The following GRAMD1C variants were observed in gnomAD, a reference collection of about 807,000 sequenced individuals.
GRAMD1C encodes the protein protein Aster-C.
A neutral mutation model predicts 97.8 loss-of-function variants in GRAMD1C; 89 were observed. That is an observed-to-expected ratio of 0.91 (90% CI 0.77 to 1.09). The LOEUF is 1.09. Among genes scored for constraint, GRAMD1C ranks in the 50% least tolerant of loss-of-function variants. The pLI, the probability that GRAMD1C is intolerant of heterozygous loss-of-function variation, is 0.00. For missense variants in GRAMD1C, 740 were observed against 766.4 expected, an observed-to-expected ratio of 0.97 and a Z score of 0.41; for synonymous variants, 256 against 267.0, an observed-to-expected ratio of 0.96 and a Z score of 0.40.
chr3:113,834,734 G>A (rs1364434163), upstream of GRAMD1C, among the ~76,000 whole-genome samples: 4 of 148,330 alleles, frequency 2.7e-5, no homozygotes, highest in Non-Finnish European at 5.9e-5. Flanking sequence ...AGGAGTTCGA[G>A]ACGAGCCTGA....
intron 2 of GRAMD1C, among the ~76,000 whole-genome samples, chr3:113,858,739 A>G (rs1420007163): frequency 5.3e-5 from 8 of 151,820 alleles, no homozygotes; most frequent in Non-Finnish European, 1.2e-4. Flanking sequence ...TTGTATTTTT[A>G]GTACAGATGG....
chr3:113,838,597 C>A, upstream of GRAMD1C: 1 of 310,400 alleles, frequency 3.2e-6, no homozygotes, highest in Non-Finnish European at 5.9e-6. Context: ...AAAAAAGTTT[C>A]CGAGCAATTC....
In GRAMD1C at chr3:113,853,749, T is replaced by G. The variant is rs529185313; in HGVS notation, c.174+9100T>G. Reference sequence around the variant, plus strand: ...TACTATGTCAGGTAGTGATAGAAGCTATGAAGACAACAAAAGAATGTAAAG... The same window carrying G: ...TACTATGTCAGGTAGTGATAGAAGCGATGAAGACAACAAAAGAATGTAAAG... On this transcript the variant is annotated intron_variant, in intron 2 of 17. Transcript: ENST00000358160. 6.6e-5 allele frequency among the ~76,000 whole-genome samples: 10 copies of G among 152,264 alleles called. 1 individual carries two copies. The South Asian group carries it at 1.9e-3, about 28-fold the overall frequency.
chr3:113,940,469 T>C, intron 17 of GRAMD1C, 124 bp downstream of exon 17: 2 of 594,910 alleles, frequency 3.4e-6, no homozygotes, highest in South Asian at 2.3e-5. Flanking sequence ...TAGAGCCAAC[T>C]ACCCCTGCCA....
rs147376621 is a variant in GRAMD1C, at chr3:113,856,623, T to G, written c.174+11974T>G. Among the ~76,000 whole-genome samples, 879 of 152,308 alleles carry G rather than the reference T, an allele frequency of 5.8e-3. 7 individuals are homozygous for G. The highest frequency in any genetic ancestry group is 9.4e-3 in the Admixed American group (144 of 15,292). On this transcript the variant is annotated intron_variant, in intron 2 of 17. Transcript: ENST00000358160. ...GGTGCGATCTCAGCTCACTGCAGCC[T>G]CCACCTCCTGAGTTCAAGCAATTCT... is the stretch of plus-strand genomic sequence containing the variant.
At chr3:113,844,196 A>T (rs1312945413) in intron 1 of GRAMD1C, among the ~76,000 whole-genome samples, 2 of 152,228 alleles carry the variant, frequency 1.3e-5, no homozygotes, top group Non-Finnish European at 2.9e-5. Context: ...CTGGAGGCTG[A>T]GGTAGGAGGA....
chr3:113,842,189 A>T (rs1933358032), intron 1 of GRAMD1C, among the ~76,000 whole-genome samples: 1 of 152,150 alleles, frequency 6.6e-6, no homozygotes, highest in African/African-American at 2.4e-5. Context: ...TTTGTTGTCT[A>T]TTTTATGTTG....
At chr3:113,942,351 T>G (rs1306139304) in intron 17 of GRAMD1C, among the ~76,000 whole-genome samples, 1 of 152,226 alleles carries the variant, frequency 6.6e-6, no homozygotes. Context: ...ATTTCTATCT[T>G]TAAGGTTAGA....
chr3:113,858,086 T>G (rs1934221457), intron 2 of GRAMD1C, among the ~76,000 whole-genome samples: 1 of 152,194 alleles, frequency 6.6e-6, no homozygotes, highest in South Asian at 2.1e-4. Context: ...TAATGTTTTG[T>G]AGAATTCTCC....
At chr3:113,895,208 G>A (rs1935891364) in intron 6 of GRAMD1C, among the ~76,000 whole-genome samples, 1 of 152,100 alleles carries the variant, frequency 6.6e-6, no homozygotes, top group African/African-American at 2.4e-5. Flanking sequence ...CATGCTTGTT[G>A]TGCCACTTTC....
At chr3:113,849,706 A>G (rs941975606) in intron 2 of GRAMD1C, among the ~76,000 whole-genome samples, 4 of 152,228 alleles carry the variant, frequency 2.6e-5, no homozygotes, top group Non-Finnish European at 4.4e-5. Context: ...CTACACAGAC[A>G]GGGCAACCAT....
intron 10 of GRAMD1C, 133 bp downstream of exon 10, chr3:113,915,971 T>C: frequency 1.5e-6 from 1 of 661,292 alleles, no homozygotes; most frequent in South Asian, 1.8e-5. Flanking sequence ...GTTGACAGTA[T>C]ATAAACTGGT....
At chr3:113,910,248 C>T (rs544320764) in intron 9 of GRAMD1C, among the ~76,000 whole-genome samples, 4 of 151,970 alleles carry the variant, frequency 2.6e-5, no homozygotes, top group East Asian at 3.9e-4. Flanking sequence ...CCGGGTGTGG[C>T]GGTGTGTGCC....
At chr3:113,831,986 T>C (rs1258185133) in intron 1 of GRAMD1C, among the ~76,000 whole-genome samples, 1 of 152,144 alleles carries the variant, frequency 6.6e-6, no homozygotes, top group Non-Finnish European at 1.5e-5. Flanking sequence ...TTGTGTACCT[T>C]ATAATTTTTT....
chr3:113,884,545 A>G (rs1577161836), intron 6 of GRAMD1C, among the ~76,000 whole-genome samples: 1 of 152,318 alleles, frequency 6.6e-6, no homozygotes, highest in East Asian at 1.9e-4. Context: ...GCCTTAAGAA[A>G]TTAGAGGCCG....
upstream of GRAMD1C, among the ~76,000 whole-genome samples, chr3:113,837,621 T>C (rs776742110): frequency 4.6e-5 from 7 of 152,202 alleles, no homozygotes; most frequent in Non-Finnish European, 7.3e-5. Context: ...GAGCTGTGGC[T>C]TGCACGTGTA....
At position 113,940,320 on chromosome 3, in the gene GRAMD1C, G is replaced by C; in HGVS notation, c.1883G>C (p.Arg628Pro). The part of the protein sequence containing the change: ...DQAHRLKGVL[R>P]DSIVMLEQLK... Reference sequence around the variant, plus strand: ...GCCCATCGTTTAAAGGGAGTGCTCCGAGACTCCATAGTGATGCTTGAACAG... The same window carrying C: ...GCCCATCGTTTAAAGGGAGTGCTCCCAGACTCCATAGTGATGCTTGAACAG... Residue 628 changes from arginine to proline, a missense_variant, in exon 17 of 18, where the codon CGA becomes CCA. Transcript: ENST00000358160. 6.3e-7 allele frequency: 1 copy of C among 1,596,706 alleles called. No individual in the cohort carries two copies.
intron 5 of GRAMD1C, among the ~76,000 whole-genome samples, chr3:113,880,014 G>C (rs1367422861): frequency 1.3e-5 from 2 of 151,876 alleles, no homozygotes; most frequent in Non-Finnish European, 2.9e-5. Context: ...TTCTTATCTG[G>C]TTTTGACACT....
At chr3:113,849,606 T>TG (rs1157594293) in intron 2 of GRAMD1C, among the ~76,000 whole-genome samples, 6 of 152,074 alleles carry the variant, frequency 3.9e-5, no homozygotes, top group Non-Finnish European at 7.4e-5. Flanking sequence ...AGCACAGGGT[T>TG]GGGGGTAAGG....
Sources: allele counts gnomAD v4.1 joint callset (sites outside exome capture counted in the v4.1 genomes callset), GRCh38; gene constraint gnomAD v4.1.1; transcripts MANE v1.5; gene names NCBI Gene and HGNC (gene_info 2026-07-23, HGNC 2026-07-21).